HS6ST3: variants seen among roughly 807,000 people sequenced by gnomAD.
HS6ST3 encodes the protein heparan sulfate 6-O-sulfotransferase 3, also known as heparan-sulfate 6-O-sulfotransferase 3.
In HS6ST3, 12 loss-of-function variants were observed where a neutral mutation model predicts 36.7. The observed-to-expected ratio is 0.33, with a 90% CI of 0.21 to 0.53. The LOEUF (loss-of-function observed/expected upper bound fraction) is 0.53, where lower values mean the gene tolerates loss of function less well. Among genes scored for constraint, HS6ST3 ranks in the 20% least tolerant of loss-of-function variants. The probability of loss-of-function intolerance (pLI) is 0.95; values close to 1 mark genes in which losing one functional copy is unlikely to be tolerated. For missense variants in HS6ST3, 584 were observed against 640.9 expected (o/e 0.91, Z 0.96); for synonymous variants, 240 against 257.5 (o/e 0.93, Z 0.65).
At chr13:96,573,021 AATGAATCCTC>A (rs2056306661) in intron 1 of HS6ST3, among the ~76,000 whole-genome samples, 1 of 152,208 alleles carries the variant, frequency 6.6e-6, no homozygotes, top group Non-Finnish European at 1.5e-5. Flanking sequence ...TCAGTGTTAT[AATGAATCCTC>A]ACCCTAACTC....
chr13:96,689,832 C>T (rs1194031988), intron 1 of HS6ST3, among the ~76,000 whole-genome samples: 3 of 135,026 alleles, frequency 2.2e-5, no homozygotes, highest in Non-Finnish European at 4.9e-5. Flanking sequence ...CTGCAGGCAC[C>T]TCTTTTTTAT....
intron 1 of HS6ST3, among the ~76,000 whole-genome samples, chr13:96,282,238 G>A (rs2139394335): frequency 6.6e-6 from 1 of 152,284 alleles, no homozygotes; most frequent in Middle Eastern, 3.4e-3. Context: ...GACTCTTCTG[G>A]AGTCGGTATC....
At chr13:96,573,606 GAACTC>G (rs1229251616) in intron 1 of HS6ST3, 2 of 212,358 alleles carry the variant, frequency 9.4e-6, no homozygotes, top group Non-Finnish European at 1.9e-5. Flanking sequence ...CAGAATTCTA[GAACTC>G]GAGCACCCAA....
intron 1 of HS6ST3, among the ~76,000 whole-genome samples, chr13:96,828,599 C>T (rs1339808330): frequency 6.6e-6 from 1 of 152,034 alleles, no homozygotes; most frequent in Non-Finnish European, 1.5e-5. Flanking sequence ...TTTATCTCCC[C>T]AAATCCTTAG....
intron 1 of HS6ST3, among the ~76,000 whole-genome samples, chr13:96,282,299 G>C (rs900049709): frequency 3.3e-5 from 5 of 152,178 alleles, no homozygotes; most frequent in Admixed American, 2.6e-4. Context: ...AAAGTCAGTG[G>C]CTGGGAGGAG....
chr13:96,715,901 GTT>G (rs1303735471), intron 1 of HS6ST3, among the ~76,000 whole-genome samples: 1 of 151,772 alleles, frequency 6.6e-6, no homozygotes, highest in Non-Finnish European at 1.5e-5. Flanking sequence ...ACACTTTACT[GTT>G]TTCCTTCCCT....
At chr13:96,669,677 A>T (rs1398396929) in intron 1 of HS6ST3, among the ~76,000 whole-genome samples, 1 of 151,966 alleles carries the variant, frequency 6.6e-6, no homozygotes, top group African/African-American at 2.4e-5. Flanking sequence ...TTTTCATTTG[A>T]TCTTCTTACC....
At chr13:96,495,954 G>A (rs74106490) in intron 1 of HS6ST3, among the ~76,000 whole-genome samples, 2,270 of 152,310 alleles carry the variant, frequency 0.015, 60 homozygotes, top group African/African-American at 0.051. Flanking sequence ...AGCATGCTCT[G>A]GCACTTCCTT....
At chr13:96,156,784 G>A (rs538148463) in intron 1 of HS6ST3, among the ~76,000 whole-genome samples, 1 of 152,154 alleles carries the variant, frequency 6.6e-6, no homozygotes, top group Non-Finnish European at 1.5e-5. Context: ...AAATCATACT[G>A]GCCATTCATA....
intron 1 of HS6ST3, among the ~76,000 whole-genome samples, chr13:96,495,526 A>C (rs2055970670): frequency 6.6e-6 from 1 of 152,096 alleles, no homozygotes; most frequent in Admixed American, 6.6e-5. Context: ...GTAAGTGGGG[A>C]GATTGTTCTT....
At position 96,416,055 on chromosome 13, in the gene HS6ST3, C is replaced by T. The variant is rs550940950; in HGVS notation, c.707+324486C>T. On this transcript the variant is annotated intron_variant, in intron 1 of 1. Transcript: ENST00000376705. ...AAACAGATAAAGAAAAGCCACACCA[C>T]AGCCTGCTGTTTCTGCTATTTTGGA... is the stretch of plus-strand genomic sequence containing the variant. Among the ~76,000 whole-genome samples, 3 of 152,366 alleles carry T rather than the reference C, an allele frequency of 2.0e-5. No individual in the cohort carries two copies. In the South Asian group the frequency reaches 6.2e-4, roughly 32 times the overall value.
intron 1 of HS6ST3, among the ~76,000 whole-genome samples, chr13:96,216,936 G>A (rs1448583333): frequency 2.0e-5 from 3 of 152,144 alleles, no homozygotes; most frequent in Non-Finnish European, 2.9e-5. Context: ...TGCATGCCTC[G>A]TTTTCCCTGC....
At chr13:96,729,307 C>A (rs545372062) in intron 1 of HS6ST3, among the ~76,000 whole-genome samples, 5 of 152,168 alleles carry the variant, frequency 3.3e-5, no homozygotes, top group Admixed American at 3.3e-4. Context: ...TGCATCATCC[C>A]AGCCTTGATG....
intron 1 of HS6ST3, among the ~76,000 whole-genome samples, chr13:96,680,876 AAG>A (rs965245850): frequency 1.3e-5 from 2 of 152,238 alleles, no homozygotes; most frequent in Non-Finnish European, 2.9e-5. Flanking sequence ...GTGGGTGAGA[AAG>A]AGCATGAAGG....
At chr13:96,794,155 AGCACTG>A (rs1202148219) in intron 1 of HS6ST3, among the ~76,000 whole-genome samples, 1 of 151,952 alleles carries the variant, frequency 6.6e-6, no homozygotes, top group Non-Finnish European at 1.5e-5. Flanking sequence ...ATGCCAAGGG[AGCACTG>A]GTTTTCTTTT....
chr13:96,542,529 A>T (rs1594803280), intron 1 of HS6ST3, among the ~76,000 whole-genome samples: 1 of 152,274 alleles, frequency 6.6e-6, no homozygotes. Flanking sequence ...GGAAGGGGGA[A>T]CTTGTTCTCA....
At chr13:96,564,849 A>G (rs1170362396) in intron 1 of HS6ST3, among the ~76,000 whole-genome samples, 1 of 152,208 alleles carries the variant, frequency 6.6e-6, no homozygotes, top group Admixed American at 6.6e-5. Flanking sequence ...TAAATTTCCT[A>G]CTAAATCCAT....
chr13:96,698,809 A>G (rs2138450847), intron 1 of HS6ST3, among the ~76,000 whole-genome samples: 1 of 152,316 alleles, frequency 6.6e-6, no homozygotes, highest in Non-Finnish European at 1.5e-5. Context: ...CTAAGCCAAA[A>G]GAACAAAGCT....
intron 1 of HS6ST3, among the ~76,000 whole-genome samples, chr13:96,710,198 A>G (rs905675667): frequency 6.6e-6 from 1 of 152,264 alleles, no homozygotes; most frequent in African/African-American, 2.4e-5. Flanking sequence ...CAGGATTTTG[A>G]AAATGGCCAA....
Sources: gnomAD v4.1 joint callset for allele counts (sites outside exome capture counted in the v4.1 genomes callset) on GRCh38, gnomAD v4.1.1 for gene constraint, MANE v1.5 for transcripts, NCBI Gene and HGNC (gene_info 2026-07-23, HGNC 2026-07-21) for gene names.